Variants in KIF21A observed in about 807,000 individuals in gnomAD.
The protein encoded by KIF21A is kinesin family member 21A, also known as kinesin-like protein KIF21A.
Under a neutral mutation model 202.9 loss-of-function variants are expected in KIF21A, and 114 were observed. The observed-to-expected ratio is 0.56, with a 90% CI of 0.48 to 0.66. The LOEUF is 0.66. Ranked by LOEUF, KIF21A falls within the 30% of genes least tolerant of loss-of-function variation. KIF21A has a pLI of 0.00. For missense variants in KIF21A, 1,677 were observed against 1,994.9 expected (o/e 0.84, Z 3.04); for synonymous variants, 667 against 670.8 (o/e 0.99, Z 0.09).
intron 37 of KIF21A, 31 bp from the exon 38 acceptor site, chr12:39,294,548 T>A: frequency 6.7e-7 from 1 of 1,483,178 alleles, no homozygotes; most frequent in Non-Finnish European, 9.4e-7. Flanking sequence ...CATGGATATA[T>A]GAACAAGGGC....
intron 36 of KIF21A, among the ~76,000 whole-genome samples, chr12:39,302,408 A>T (rs1943048218): frequency 6.6e-6 from 1 of 152,210 alleles, no homozygotes; most frequent in Admixed American, 6.5e-5. Flanking sequence ...CATATATATA[A>T]GGAAAAACTT....
intron 1 of KIF21A, among the ~76,000 whole-genome samples, chr12:39,401,147 A>T (rs1317722644): frequency 6.6e-6 from 1 of 152,236 alleles, no homozygotes; most frequent in Non-Finnish European, 1.5e-5. Context: ...TTAAAAATGC[A>T]AGATAAAATA....
At chr12:39,334,116 G>A (rs1020883926) in intron 17 of KIF21A, among the ~76,000 whole-genome samples, 1 of 148,556 alleles carries the variant, frequency 6.7e-6, no homozygotes, top group Admixed American at 6.8e-5. Context: ...TGGGAGAATC[G>A]CTTGAACCCA....
chr12:39,395,550 AC>A (rs1186948682), intron 1 of KIF21A, among the ~76,000 whole-genome samples: 1 of 152,064 alleles, frequency 6.6e-6, no homozygotes, highest in Admixed American at 6.6e-5. Flanking sequence ...TATAAAAATC[AC>A]CCACTTTCAG....
Position 39,386,060 on chromosome 12 carries a change from T to C in KIF21A, c.45-15799A>G, listed in dbSNP as rs118135531. ...CCTTTAAGCTCCAATATGTATCCTA[T>C]GTTTTGTGGCATAAATTGCTAATGG... On this transcript the variant is annotated intron_variant, in intron 1 of 37. Transcript: ENST00000361418. Among the ~76,000 whole-genome samples the C allele has an allele frequency of 7.1e-3, 1,075 of 152,300 alleles. 9 individuals carry two copies. Among genetic ancestry groups the C allele is most frequent in the Non-Finnish European group, 0.011 (750 of 68,022 alleles).
chr12:39,359,854 T>C (rs1168195687), intron 7 of KIF21A, among the ~76,000 whole-genome samples: 1 of 152,248 alleles, frequency 6.6e-6, no homozygotes, highest in Non-Finnish European at 1.5e-5. Context: ...GTAAGCACTT[T>C]AGAAACTTCC....
chr12:39,426,977 T>G (rs1467245025), intron 1 of KIF21A, among the ~76,000 whole-genome samples: 1 of 152,148 alleles, frequency 6.6e-6, no homozygotes. Context: ...AGGGGCAAAC[T>G]AATAGCTTAC....
chr12:39,344,066 C>T (rs750191400), intron 12 of KIF21A, among the ~76,000 whole-genome samples: 1 of 152,082 alleles, frequency 6.6e-6, no homozygotes, highest in African/African-American at 2.4e-5. Context: ...TAAATTGTAA[C>T]AGGGTTCCAT....
chr12:39,339,848 G>A (rs1947302032), intron 16 of KIF21A, among the ~76,000 whole-genome samples: 1 of 152,152 alleles, frequency 6.6e-6, no homozygotes, highest in Non-Finnish European at 1.5e-5. Context: ...TACAGTGTTT[G>A]TTATTATGTA....
At chr12:39,373,450 T>G (rs2098165297) in intron 1 of KIF21A, among the ~76,000 whole-genome samples, 1 of 152,150 alleles carries the variant, frequency 6.6e-6, no homozygotes, top group South Asian at 2.1e-4. Flanking sequence ...CTCAGGCTGT[T>G]CTCTCTCCTG....
At position 39,332,676 on chromosome 12, in the gene KIF21A, T is replaced by C. The variant is rs1284671239; in HGVS notation, c.2771A>G (p.Gln924Arg). 2 of 1,614,094 alleles carry C rather than the reference T, an allele frequency of 1.2e-6. No homozygotes were observed. The highest frequency in any genetic ancestry group is 8.5e-7 in the Non-Finnish European group (1 of 1,179,972). Residue 924 changes from glutamine (Q) to arginine (R), a missense_variant, in exon 20 of 38, where the codon CAG (glutamine) becomes CGG (arginine). Physicochemically the swap from Gln to Arg is conservative, Grantham distance 43 (BLOSUM62 1). This residue lies in a region of KIF21A where 966 missense variants were observed against 1,180.9 expected (regional missense o/e 0.82). Transcript: ENST00000361418. ...FISKTARMKW[Q>R]LLERRVTDII... ...GTCTGTGACCCTGCGCTCAAGGAGC[T>C]GCCACTTCATGCGAGCTGTCTTGGA... is the stretch of plus-strand genomic sequence containing the variant.
At chr12:39,385,699 G>A (rs1345143468) in intron 1 of KIF21A, among the ~76,000 whole-genome samples, 3 of 152,132 alleles carry the variant, frequency 2.0e-5, no homozygotes, top group Admixed American at 6.5e-5. Context: ...TAGGGAAGCT[G>A]TGCTAGAAAG....
intron 31 of KIF21A, 125 bp from the exon 32 acceptor site, chr12:39,311,678 C>A (rs1944050142): frequency 1.1e-6 from 1 of 897,528 alleles, no homozygotes. Flanking sequence ...TAATAAAATC[C>A]AGACTGCTCT....
chr12:39,324,608 T>C (rs1274373604), intron 26 of KIF21A, among the ~76,000 whole-genome samples: 1 of 152,220 alleles, frequency 6.6e-6, no homozygotes, highest in Non-Finnish European at 1.5e-5. Context: ...CCGTGAAATC[T>C]ATGTAAAAAT....
chr12:39,304,028 A>G (rs567678486), intron 35 of KIF21A, among the ~76,000 whole-genome samples: 3 of 152,190 alleles, frequency 2.0e-5, no homozygotes, highest in East Asian at 1.9e-4. Flanking sequence ...ACCTTCATCA[A>G]TTGCCACCAC....
chr12:39,308,733 G>A (rs1033835325), intron 33 of KIF21A, among the ~76,000 whole-genome samples: 2 of 151,922 alleles, frequency 1.3e-5, no homozygotes, highest in Non-Finnish European at 2.9e-5. Context: ...TAACTTCAGT[G>A]ATTCAATTGA....
chr12:39,331,858 G>T lies in KIF21A; in HGVS notation c.3052-67C>A. The T allele has an allele frequency of 1.7e-6, 2 of 1,162,890 alleles. 1 individual carries two copies. Among genetic ancestry groups the T allele is most frequent in the Non-Finnish European group, 2.6e-6 (2 of 770,232 alleles). 72.0% of individuals were successfully genotyped at this position (1,162,890 alleles called of 1,614,324 possible). A position where few individuals can be genotyped will look rare whatever the true frequency, so the allele number is the denominator to read the frequency against. On this transcript the variant is annotated intron_variant, in intron 21 of 37. Coordinates refer to ENST00000361418, the MANE Select transcript of KIF21A (RefSeq NM_001173464.2). ...TGAAAACAGAAGGCAACAGCCTATT[G>T]TTTCACATATTTATTTCCTAGTATT...
At position 39,294,211 on chromosome 12, in the gene KIF21A, A is replaced by G; in HGVS notation, c.*213T>C. The stretch of plus-strand genomic sequence containing the variant: ...GTGAATAAAGCAATATATCAATTGT[A>G]GGATATATATCTATTGGTTGATCTT... On this transcript the variant is annotated 3_prime_UTR_variant, in exon 38 of 38. Coordinates refer to ENST00000361418, the MANE Select transcript of KIF21A (RefSeq NM_001173464.2). 4.1e-6 allele frequency: 2 copies of G among 491,400 alleles called. No homozygotes were observed. Among genetic ancestry groups the G allele is most frequent in the South Asian group, 4.7e-5 (2 of 42,426 alleles). The allele number at this position is 491,400 out of a possible 1,614,324, so 30.4% of individuals were successfully genotyped here.
At chr12:39,317,573 C>T (rs1302344916) in intron 29 of KIF21A, among the ~76,000 whole-genome samples, 1 of 152,112 alleles carries the variant, frequency 6.6e-6, no homozygotes, top group Non-Finnish European at 1.5e-5. Context: ...ATTTTTTATT[C>T]CAAGAACACA....
Sources: gnomAD v4.1 joint callset for allele counts (sites outside exome capture counted in the v4.1 genomes callset) on GRCh38, gnomAD v4.1.1 for gene constraint, gnomAD v4.1.1 regional missense constraint, MANE v1.5 for transcripts, NCBI Gene and HGNC (gene_info 2026-07-23, HGNC 2026-07-21) for gene names.